FBXO47: variants seen among roughly 807,000 people sequenced by gnomAD.
FBXO47 encodes the protein F-box protein 47.
A neutral mutation model predicts 53.9 loss-of-function variants in FBXO47; 34 were observed. The observed-to-expected ratio is 0.63, with a 90% CI of 0.48 to 0.84. FBXO47 has a LOEUF of 0.84. FBXO47 is among the 40% of genes least tolerant of loss of function. The pLI, the probability that FBXO47 is intolerant of heterozygous loss-of-function variation, is 0.00. For synonymous variants in FBXO47, 165 were observed against 181.6 expected, an observed-to-expected ratio of 0.91 and a Z score of 0.73; for missense variants, 485 against 541.3, an observed-to-expected ratio of 0.90 and a Z score of 1.03.
intron 6 of FBXO47, among the ~76,000 whole-genome samples, chr17:38,946,373 TATATATAA>T (rs1160544397): frequency 1.1e-5 from 1 of 93,496 alleles, no homozygotes; most frequent in Non-Finnish European, 1.8e-5. Flanking sequence ...TATATAGATA[TATATATAA>T]ATATATATAT....
intron 7 of FBXO47, 113 bp downstream of exon 7, chr17:38,944,847 C>CAT: frequency 2.5e-6 from 1 of 400,472 alleles, no homozygotes; most frequent in Non-Finnish European, 3.8e-6. Context: ...TGCGTGCATG[C>CAT]ATGTGTGTGT....
At chr17:38,940,917 G>A (rs924565522) in intron 9 of FBXO47, among the ~76,000 whole-genome samples, 5 of 151,808 alleles carry the variant, frequency 3.3e-5, no homozygotes, top group Non-Finnish European at 7.4e-5. Context: ...GGCTTCAAGT[G>A]ATCCTCTGGG....
chr17:38,939,678 T>TC (rs1491272268), intron 9 of FBXO47, among the ~76,000 whole-genome samples: 1 of 132,088 alleles, frequency 7.6e-6, no homozygotes, highest in Non-Finnish European at 1.6e-5. Flanking sequence ...TTTTTTTTTT[T>TC]GAGACGGAGT....
At chr17:38,938,494 G>T in intron 10 of FBXO47, 79 bp downstream of exon 10, 10 of 968,678 alleles carry the variant, frequency 1.0e-5, no homozygotes, top group African/African-American at 1.6e-5. Context: ...TGGACTGTTA[G>T]AGAAAAATAT....
intron 4 of FBXO47, among the ~76,000 whole-genome samples, chr17:38,956,196 G>A (rs553390083): frequency 1.3e-5 from 2 of 151,958 alleles, no homozygotes; most frequent in Non-Finnish European, 2.9e-5. Flanking sequence ...TCTTGATTCA[G>A]CATACAGAGC....
chr17:38,950,477 T>A (rs1905218194), intron 6 of FBXO47, among the ~76,000 whole-genome samples: 2 of 149,684 alleles, frequency 1.3e-5, no homozygotes, highest in Admixed American at 6.7e-5. Flanking sequence ...TTTTTTTTTT[T>A]TTTTGGAGAT....
intron 9 of FBXO47, among the ~76,000 whole-genome samples, chr17:38,941,620 T>TATATATATATATATATATATA (rs372467875): frequency 1.7e-5 from 2 of 115,196 alleles, no homozygotes; most frequent in Non-Finnish European, 3.6e-5. Context: ...AAATATAATA[T>TATATATATATATATATATATA]TATATATATA....
chr17:38,943,390 T>C (rs1162069279), intron 8 of FBXO47, among the ~76,000 whole-genome samples, 200 bp downstream of exon 8: 3 of 152,182 alleles, frequency 2.0e-5, no homozygotes, highest in Non-Finnish European at 4.4e-5. Context: ...TGTTTATTTA[T>C]AAAATTGGCA....
chr17:38,939,493 A>G (rs1904405697), intron 9 of FBXO47, among the ~76,000 whole-genome samples: 1 of 149,358 alleles, frequency 6.7e-6, no homozygotes. Flanking sequence ...AATGAAGGTG[A>G]TAGACAAATG....
chr17:38,956,207 G>A (rs1016575296), intron 4 of FBXO47, among the ~76,000 whole-genome samples: 6 of 152,050 alleles, frequency 3.9e-5, no homozygotes, highest in East Asian at 1.9e-4. Flanking sequence ...CATACAGAGC[G>A]GTTTGGGGAG....
intron 6 of FBXO47, among the ~76,000 whole-genome samples, chr17:38,950,024 G>T (rs1202129240): frequency 6.6e-6 from 1 of 152,036 alleles, no homozygotes; most frequent in African/African-American, 2.4e-5. Context: ...ATAAAATATA[G>T]ATCACATAAA....
chr17:38,949,347 G>A (rs563385226), intron 6 of FBXO47, among the ~76,000 whole-genome samples: 6 of 152,202 alleles, frequency 3.9e-5, no homozygotes, highest in Admixed American at 3.3e-4. Context: ...TTGAGCCCAG[G>A]AAGTGGAGGT....
At chr17:38,942,624 T>C (rs1279681495) in intron 9 of FBXO47, among the ~76,000 whole-genome samples, 154 bp downstream of exon 9, 1 of 152,088 alleles carries the variant, frequency 6.6e-6, no homozygotes. Context: ...AAAACATATG[T>C]TTTAATATTT....
At chr17:38,940,953 A>T (rs1229612838) in intron 9 of FBXO47, among the ~76,000 whole-genome samples, 1 of 151,858 alleles carries the variant, frequency 6.6e-6, no homozygotes, top group Non-Finnish European at 1.5e-5. Flanking sequence ...AGCTGGGATT[A>T]TAGACATGAA....
intron 6 of FBXO47, among the ~76,000 whole-genome samples, chr17:38,948,588 CA>C (rs1905054977): frequency 6.6e-6 from 1 of 151,954 alleles, no homozygotes; most frequent in Non-Finnish European, 1.5e-5. Flanking sequence ...TCAGCTAATA[CA>C]ATGTTTTCAA....
rs915483482 is a variant in FBXO47, at chr17:38,941,271, G to A, written c.1083+1507C>T. Among the ~76,000 whole-genome samples, 8 of 151,748 alleles carry A rather than the reference G, an allele frequency of 5.3e-5. 1 individual carries two copies. The highest frequency in any genetic ancestry group is 1.9e-4 in the African/African-American group (8 of 41,122). ...TGCAACCTCCGCCTGCCAGGCTCAA[G>A]TGATTCTCCTGCCTCAGCCTCCCGA... On this transcript the variant is annotated intron_variant, in intron 9 of 10. Transcript: ENST00000378079.
At chr17:38,964,010 G>A (rs1380077947) in intron 1 of FBXO47, among the ~76,000 whole-genome samples, 1 of 151,774 alleles carries the variant, frequency 6.6e-6, no homozygotes, top group African/African-American at 2.4e-5. Context: ...GTCTGCCTGT[G>A]TTGCCCAACC....
chr17:38,963,782 G>T (rs981293292), intron 1 of FBXO47, among the ~76,000 whole-genome samples: 1 of 145,994 alleles, frequency 6.8e-6, no homozygotes, highest in Non-Finnish European at 1.5e-5. Context: ...GGTTTTTGTT[G>T]TTGTTGTTGT....
intron 9 of FBXO47, among the ~76,000 whole-genome samples, chr17:38,941,481 AT>A (rs1215111233): frequency 2.0e-5 from 3 of 150,986 alleles, no homozygotes; most frequent in Non-Finnish European, 4.4e-5. Flanking sequence ...ATTTTTAAAC[AT>A]TTTTATTATA....
Sources: gnomAD v4.1 joint callset for allele counts (sites outside exome capture counted in the v4.1 genomes callset) on GRCh38, gnomAD v4.1.1 for gene constraint, MANE v1.5 for transcripts, NCBI Gene and HGNC (gene_info 2026-07-23, HGNC 2026-07-21) for gene names.